IMMP2L: variants seen among roughly 807,000 people sequenced by gnomAD.
IMMP2L encodes inner mitochondrial membrane peptidase subunit 2, also known as mitochondrial inner membrane protease subunit 2.
In IMMP2L, 18 loss-of-function variants were observed where a neutral mutation model predicts 19.3. That is an observed-to-expected ratio of 0.93 (90% CI 0.64 to 1.38). The LOEUF (loss-of-function observed/expected upper bound fraction) is 1.38, where lower values mean the gene tolerates loss of function less well. Among genes scored for constraint, IMMP2L ranks in the 40% most tolerant of loss-of-function variants. The probability of loss-of-function intolerance (pLI) is 0.00; values close to 1 mark genes in which losing one functional copy is unlikely to be tolerated. For synonymous variants in IMMP2L, 76 were observed against 73.0 expected, an observed-to-expected ratio of 1.04 and a Z score of -0.21; for missense variants, 233 against 218.2, an observed-to-expected ratio of 1.07 and a Z score of -0.43.
At position 111,056,970 on chromosome 7, in the gene IMMP2L, C is replaced by A. The variant is rs1181288141; in HGVS notation, c.240-93405G>T. 2.0e-5 allele frequency among the ~76,000 whole-genome samples: 3 copies of A among 152,154 alleles called. No homozygotes were observed. The East Asian group carries it at 5.8e-4, about 29-fold the overall frequency. Reference sequence around the variant, plus strand: ...AAGGGTCAACTGTATACAAGTACCCCAAATTTACTTAAGAGTTTAACATAT... The same window carrying A: ...AAGGGTCAACTGTATACAAGTACCCAAAATTTACTTAAGAGTTTAACATAT... On this transcript the variant is annotated intron_variant, in intron 3 of 5. Coordinates refer to ENST00000405709, the MANE Select transcript of IMMP2L (RefSeq NM_032549.4).
chr7:111,142,839 A>C (rs1803078707), intron 3 of IMMP2L, among the ~76,000 whole-genome samples: 1 of 152,190 alleles, frequency 6.6e-6, no homozygotes, highest in Non-Finnish European at 1.5e-5. Context: ...AACAACTCTC[A>C]CGGTCCCAAA....
chr7:111,297,835 A>C (rs1428779096), intron 3 of IMMP2L, among the ~76,000 whole-genome samples: 2 of 152,150 alleles, frequency 1.3e-5, no homozygotes, highest in African/African-American at 4.8e-5. Context: ...AAGTCCATTT[A>C]TACAAAATCT....
At chr7:111,165,852 GC>G (rs1805762458) in intron 3 of IMMP2L, among the ~76,000 whole-genome samples, 1 of 151,934 alleles carries the variant, frequency 6.6e-6, no homozygotes. Flanking sequence ...CAAGCCCCCG[GC>G]AAGTTATCAG....
At chr7:110,843,954 C>T (rs1347765407) in intron 5 of IMMP2L, among the ~76,000 whole-genome samples, 3 of 152,098 alleles carry the variant, frequency 2.0e-5, no homozygotes, top group African/African-American at 7.2e-5. Context: ...GAGGAAGGGG[C>T]TGGGTCCTGC....
intron 5 of IMMP2L, among the ~76,000 whole-genome samples, chr7:110,830,128 C>T (rs750905921): frequency 1.9e-4 from 29 of 151,906 alleles, no homozygotes; most frequent in Non-Finnish European, 3.5e-4. Flanking sequence ...CCCAGGTTAC[C>T]GTGCATGAGA....
At chr7:111,047,214 G>C (rs1266481147) in intron 3 of IMMP2L, among the ~76,000 whole-genome samples, 1 of 150,860 alleles carries the variant, frequency 6.6e-6, no homozygotes, top group Non-Finnish European at 1.5e-5. Flanking sequence ...TTGAGACAGA[G>C]TTTCACTCTT....
chr7:111,508,559 G>A (rs1392338885), intron 2 of IMMP2L, among the ~76,000 whole-genome samples: 1 of 152,152 alleles, frequency 6.6e-6, no homozygotes, highest in Non-Finnish European at 1.5e-5. Context: ...GGCACAGAGG[G>A]TGGGAGGGGT....
intron 3 of IMMP2L, among the ~76,000 whole-genome samples, chr7:111,101,913 C>T (rs1224101639): frequency 2.0e-5 from 3 of 151,430 alleles, no homozygotes; most frequent in Non-Finnish European, 3.0e-5. Context: ...GGTTATGTAT[C>T]CTTAGGAGAA....
chr7:111,011,621 T>C (rs1824965858), intron 3 of IMMP2L, among the ~76,000 whole-genome samples: 1 of 152,158 alleles, frequency 6.6e-6, no homozygotes, highest in Non-Finnish European at 1.5e-5. Context: ...GCCAATATGA[T>C]GTGAGAGTTT....
At chr7:110,784,323 T>C (rs1299240265) in intron 5 of IMMP2L, among the ~76,000 whole-genome samples, 2 of 151,942 alleles carry the variant, frequency 1.3e-5, no homozygotes, top group Non-Finnish European at 2.9e-5. Context: ...TAAAAAATCA[T>C]GTAACGACTG....
intron 4 of IMMP2L, among the ~76,000 whole-genome samples, chr7:110,916,531 C>T (rs1422608879): frequency 1.3e-5 from 2 of 152,098 alleles, no homozygotes; most frequent in Non-Finnish European, 2.9e-5. Context: ...TGTGAAAAGC[C>T]AATTCAAGTT....
At chr7:110,673,812 C>A (rs969476880) in intron 5 of IMMP2L, among the ~76,000 whole-genome samples, 12 of 152,152 alleles carry the variant, frequency 7.9e-5, no homozygotes, top group Non-Finnish European at 1.8e-4. Flanking sequence ...AGCTATTAAA[C>A]AAGTCTCTAG....
At chr7:111,046,140 C>G (rs139137009) in intron 3 of IMMP2L, among the ~76,000 whole-genome samples, 1 of 151,466 alleles carries the variant, frequency 6.6e-6, no homozygotes, top group African/African-American at 2.4e-5. Flanking sequence ...TTAAAAAATA[C>G]CAAGTACAAA....
chr7:110,777,566 G>T (rs1799475073), intron 5 of IMMP2L, among the ~76,000 whole-genome samples: 1 of 151,916 alleles, frequency 6.6e-6, no homozygotes, highest in African/African-American at 2.4e-5. Context: ...GAGGAATACT[G>T]CTGAGAAAGC....
intron 3 of IMMP2L, among the ~76,000 whole-genome samples, chr7:111,426,237 C>G (rs1362540824): frequency 6.6e-6 from 1 of 151,070 alleles, no homozygotes; most frequent in Non-Finnish European, 1.5e-5. Context: ...AATATATGTA[C>G]ATTAATCCCT....
At chr7:110,814,659 G>A (rs959323864) in intron 5 of IMMP2L, among the ~76,000 whole-genome samples, 1 of 148,646 alleles carries the variant, frequency 6.7e-6, no homozygotes, top group Non-Finnish European at 1.5e-5. Flanking sequence ...CTATCGCTCA[G>A]AGTAGAATTC....
chr7:110,953,183 A>G (rs1006860256), intron 4 of IMMP2L, among the ~76,000 whole-genome samples: 1 of 152,132 alleles, frequency 6.6e-6, no homozygotes, highest in African/African-American at 2.4e-5. Flanking sequence ...CTTTTTTTAT[A>G]TACTTTAAGT....
Position 111,089,222 on chromosome 7 carries a change from A to G in IMMP2L, c.240-125657T>C, listed in dbSNP as rs186329416. Among the ~76,000 whole-genome samples, 280 of 152,244 alleles carry G rather than the reference A, an allele frequency of 1.8e-3. 1 individual carries two copies. Among genetic ancestry groups the G allele is most frequent in the African/African-American group, 6.4e-3 (268 of 41,576 alleles). ...TTTCTGAAACAGACTGAAATTTAAG[A>G]TATTAGGTATGACTGCAGTTTCATT... On this transcript the variant is annotated intron_variant, in intron 3 of 5. Coordinates refer to ENST00000405709, the MANE Select transcript of IMMP2L (RefSeq NM_032549.4).
intron 3 of IMMP2L, among the ~76,000 whole-genome samples, chr7:111,168,804 A>G (rs981455335): frequency 6.6e-6 from 1 of 151,878 alleles, no homozygotes; most frequent in African/African-American, 2.4e-5. Flanking sequence ...GAAAGATGCT[A>G]TGGCTTTTGA....
Sources: gnomAD v4.1 joint callset for allele counts (sites outside exome capture counted in the v4.1 genomes callset) on GRCh38, gnomAD v4.1.1 for gene constraint, MANE v1.5 for transcripts, NCBI Gene and HGNC (gene_info 2026-07-23, HGNC 2026-07-21) for gene names.